Variants in INPP4A observed in about 807,000 individuals in gnomAD.
INPP4A encodes inositol polyphosphate-4-phosphatase, type I, 107kD.
INPP4A carries 33 observed loss-of-function variants against 119.8 expected under a neutral mutation model. The ratio of observed to expected loss-of-function variants is 0.28; its 90% CI spans 0.21 to 0.37. INPP4A has a LOEUF of 0.37. Ranked by LOEUF, INPP4A falls within the 10% of genes least tolerant of loss-of-function variation. The pLI, the probability that INPP4A is intolerant of heterozygous loss-of-function variation, is 1.00. For synonymous variants in INPP4A, 496 were observed against 500.7 expected (o/e 0.99, Z 0.12); for missense variants, 956 against 1,289.9 (o/e 0.74, Z 3.97).
chr2:98,562,834 A>G lies in INPP4A; in HGVS notation c.1856-631A>G, dbSNP rs764761366. 4.6e-4 allele frequency among the ~76,000 whole-genome samples: 69 copies of G among 148,830 alleles called. 2 individuals are homozygous for G. Among genetic ancestry groups the G allele is most frequent in the South Asian group, 8.8e-4 (4 of 4,570 alleles). On this transcript the variant is annotated intron_variant, in intron 17 of 24. Transcript: ENST00000409851. ...TATTCCTAAAAGAAAACTAAGCTAGAAATAGTACTGGGGAAGGAAGGTGGG... is the reference window on the plus strand; with the variant it reads ...TATTCCTAAAAGAAAACTAAGCTAGGAATAGTACTGGGGAAGGAAGGTGGG...
At chr2:98,510,706 T>C (rs984839965) in intron 1 of INPP4A, among the ~76,000 whole-genome samples, 2 of 152,230 alleles carry the variant, frequency 1.3e-5, no homozygotes, top group African/African-American at 2.4e-5. Context: ...CATTGATGGC[T>C]ACATTTCAAC....
chr2:98,494,808 C>G (rs146839054), intron 1 of INPP4A, among the ~76,000 whole-genome samples: 1 of 152,168 alleles, frequency 6.6e-6, no homozygotes, highest in African/African-American at 2.4e-5. Context: ...AAATGTAGAA[C>G]AATGTATGCC....
At position 98,554,171 on chromosome 2, in the gene INPP4A, A is replaced by G. The variant is rs1358617492; in HGVS notation, c.1348-100A>G. 39 of 828,898 alleles carry G rather than the reference A, an allele frequency of 4.7e-5. No individual in the cohort carries two copies. Among genetic ancestry groups the G allele is most frequent in the Non-Finnish European group, 7.4e-5 (39 of 527,504 alleles). 51.3% of individuals were successfully genotyped at this position (828,898 alleles called of 1,614,324 possible). A position where few individuals can be genotyped will look rare whatever the true frequency, so the allele number is the denominator to read the frequency against. On this transcript the variant is annotated intron_variant, in intron 14 of 24. Coordinates refer to ENST00000409851, the MANE Select transcript of INPP4A (RefSeq NM_001134225.2). This position sits in a 1 kb window ranked among gnomAD's most constrained non-coding sequence, Gnocchi z 4.7. ...ACTGTGGAGAAAGGCAGAGGGGTGC[A>G]GTGCTGGGCTTTAAGCCCATTCTCC...
intron 4 of INPP4A, among the ~76,000 whole-genome samples, chr2:98,530,775 G>T (rs531304262): frequency 9.8e-5 from 15 of 152,334 alleles, no homozygotes; most frequent in African/African-American, 3.4e-4. Context: ...CAAAGGGGCT[G>T]TATATATTAG....
At chr2:98,581,924 C>T (rs1699367693) in intron 24 of INPP4A, 5 of 1,106,376 alleles carry the variant, frequency 4.5e-6, no homozygotes, top group Middle Eastern at 3.0e-4. Flanking sequence ...TAAATATCTG[C>T]CAAATTATTT....
intron 1 of INPP4A, among the ~76,000 whole-genome samples, chr2:98,509,646 G>A (rs923999711): frequency 6.6e-6 from 1 of 152,120 alleles, no homozygotes; most frequent in Non-Finnish European, 1.5e-5. Flanking sequence ...GAAGGCAGTC[G>A]GCAGATCCCC....
At chr2:98,487,099 G>T (rs1679713564) in intron 1 of INPP4A, among the ~76,000 whole-genome samples, 1 of 152,232 alleles carries the variant, frequency 6.6e-6, no homozygotes, top group African/African-American at 2.4e-5. Context: ...AGTGCCTGAA[G>T]TTCTCCCATA....
intron 17 of INPP4A, among the ~76,000 whole-genome samples, chr2:98,562,963 C>T (rs1387824247): frequency 1.3e-5 from 2 of 152,120 alleles, no homozygotes; most frequent in African/African-American, 4.8e-5. Flanking sequence ...AAGAATTGAA[C>T]ACAGTTGCAC....
intron 1 of INPP4A, among the ~76,000 whole-genome samples, chr2:98,457,187 C>G (rs913994903): frequency 6.6e-6 from 1 of 152,360 alleles, no homozygotes; most frequent in African/African-American, 2.4e-5. Context: ...ACTGGCCACC[C>G]TGCCTCAGCC....
At chr2:98,559,152 A>G (rs1478678587) in intron 16 of INPP4A, among the ~76,000 whole-genome samples, 1 of 152,194 alleles carries the variant, frequency 6.6e-6, no homozygotes, top group Non-Finnish European at 1.5e-5. Context: ...TTTCTGTGGC[A>G]TTTATCACAT....
At chr2:98,575,412 C>T (rs1559108420) in intron 23 of INPP4A, among the ~76,000 whole-genome samples, 2 of 152,390 alleles carry the variant, frequency 1.3e-5, no homozygotes, top group South Asian at 2.1e-4. Context: ...ATGAACTCTA[C>T]AGCCCACAGA....
At chr2:98,577,178 C>T in intron 24 of INPP4A, 35 bp downstream of exon 24, 1 of 1,544,784 alleles carries the variant, frequency 6.5e-7, no homozygotes, top group Non-Finnish European at 8.8e-7. Flanking sequence ...GCCCCGCCTG[C>T]CCCGGCCCGT....
At chr2:98,567,049 A>G (rs956697299) in intron 21 of INPP4A, among the ~76,000 whole-genome samples, 3 of 152,196 alleles carry the variant, frequency 2.0e-5, no homozygotes, top group Non-Finnish European at 4.4e-5. Flanking sequence ...ATATGGTATC[A>G]TTGCTGGGAG....
rs1164692479 is a variant in INPP4A at position 98,569,486 on chromosome 2, T to C, written c.2518+818T>C. 1 of 152,258 alleles carries C rather than the reference T, an allele frequency of 6.6e-6. No homozygotes were observed. The highest frequency in any genetic ancestry group is 2.4e-5 in the African/African-American group (1 of 41,454). The allele number at this position is 152,258 out of a possible 1,614,324, so 9.4% of individuals were successfully genotyped here. Reference sequence around the variant, plus strand: ...AAGAGGGAACCCACATCGGCTGGGCTTTGCATTGGGCAGGCTTCATCTGCA... The same window carrying C: ...AAGAGGGAACCCACATCGGCTGGGCCTTGCATTGGGCAGGCTTCATCTGCA... On this transcript the variant is annotated intron_variant, in intron 22 of 24. Transcript: ENST00000409851. This position sits in a 1 kb window ranked among gnomAD's most constrained non-coding sequence, Gnocchi z 5.1.
chr2:98,555,449 G>A (rs1694280274), intron 15 of INPP4A, 104 bp from the exon 16 acceptor site: 1 of 1,238,828 alleles, frequency 8.1e-7, no homozygotes, highest in Admixed American at 2.3e-5. Context: ...TTTAACAAGT[G>A]TGGAAGCCTA....
intron 1 of INPP4A, among the ~76,000 whole-genome samples, chr2:98,473,275 G>A (rs1270705878): frequency 2.0e-5 from 3 of 149,798 alleles, no homozygotes; most frequent in Admixed American, 6.6e-5. Context: ...GTGGCGGGTA[G>A]TGTGGGTGGA....
rs904631225 is a variant in INPP4A at position 98,520,066 on chromosome 2, C to T, written c.18C>T (p.His6=). Residue 6 remains histidine (H), a synonymous_variant, in exon 3 of 25, where the codon CAC becomes CAT. Transcript: ENST00000409851. ...ATGACATCATGACAGCAAGAGAGCA[C>T]AGCCCTCGCCATGGTGCCAGGGCCC... MTARE[H]SPRHGARARA... is the part of the protein sequence containing the mutation. 5 of 1,583,394 alleles carry T rather than the reference C, an allele frequency of 3.2e-6. No homozygotes were observed. In the Admixed American group the frequency reaches 5.3e-5, roughly 17 times the overall value.
At chr2:98,544,056 C>G in intron 11 of INPP4A, 49 bp downstream of exon 11, 1 of 1,503,266 alleles carries the variant, frequency 6.7e-7, no homozygotes, top group Non-Finnish European at 9.0e-7. Context: ...CACACACACA[C>G]ACACACACTC....
At chr2:98,580,116 G>T (rs1017875897) in intron 24 of INPP4A, among the ~76,000 whole-genome samples, 1 of 152,244 alleles carries the variant, frequency 6.6e-6, no homozygotes, top group African/African-American at 2.4e-5. Flanking sequence ...CTGGGGTGCC[G>T]AGTACCTGCA....
Sources: gnomAD v4.1 joint callset for allele counts (sites outside exome capture counted in the v4.1 genomes callset) on GRCh38, gnomAD v4.1.1 for gene constraint, Gnocchi (gnomAD v3.1) non-coding constraint, MANE v1.5 for transcripts, NCBI Gene and HGNC (gene_info 2026-07-23, HGNC 2026-07-21) for gene names.